PHACTR4: variants seen among roughly 807,000 people sequenced by gnomAD.
The protein encoded by PHACTR4 is phosphatase and actin regulator 4, also known as protein phosphatase 1, regulatory subunit 124.
PHACTR4 carries 51 observed loss-of-function variants against 72.7 expected under a neutral mutation model. That is an observed-to-expected ratio of 0.70 (90% CI 0.56 to 0.89). The LOEUF (loss-of-function observed/expected upper bound fraction) is 0.89. Among genes scored for constraint, PHACTR4 ranks in the 40% least tolerant of loss-of-function variants. The pLI, the probability that PHACTR4 is intolerant of heterozygous loss-of-function variation, is 0.00. For missense variants in PHACTR4, 731 were observed against 861.8 expected (o/e 0.85, Z 1.90); for synonymous variants, 255 against 302.5 (o/e 0.84, Z 1.63).
chr1:28,453,904 A>T (rs1479480722), intron 2 of PHACTR4: 2 of 807,654 alleles, frequency 2.5e-6, no homozygotes, highest in Non-Finnish European at 4.1e-6. Context: ...CCTGGATGTA[A>T]TTCAGGCAGG....
chr1:28,378,443 C>T (rs1651870497), intron 1 of PHACTR4, among the ~76,000 whole-genome samples: 1 of 151,112 alleles, frequency 6.6e-6, no homozygotes. Context: ...GCGGAGGTTG[C>T]AATGAGCCAA....
At chr1:28,392,344 G>C (rs954474578) in intron 1 of PHACTR4, among the ~76,000 whole-genome samples, 2 of 151,764 alleles carry the variant, frequency 1.3e-5, no homozygotes, top group Non-Finnish European at 2.9e-5. Flanking sequence ...CTTAATAATG[G>C]CCCCAAAGTG....
At chr1:28,443,125 C>G (rs1657160154) in intron 2 of PHACTR4, among the ~76,000 whole-genome samples, 1 of 152,096 alleles carries the variant, frequency 6.6e-6, no homozygotes, top group Admixed American at 6.6e-5. Flanking sequence ...GTACTTTTTA[C>G]TCCTATGAGA....
chr1:28,496,030 C>T (rs541972210), intron 13 of PHACTR4, among the ~76,000 whole-genome samples: 3 of 145,822 alleles, frequency 2.1e-5, no homozygotes, highest in African/African-American at 7.6e-5. Context: ...GATAGTGTTA[C>T]AGAAGCCAAG....
At chr1:28,433,690 C>T (rs988624932) in intron 2 of PHACTR4, among the ~76,000 whole-genome samples, 2 of 151,488 alleles carry the variant, frequency 1.3e-5, no homozygotes, top group African/African-American at 2.4e-5. Context: ...ACTCCTGACC[C>T]CAGGTGATCC....
intron 2 of PHACTR4, among the ~76,000 whole-genome samples, chr1:28,443,277 C>T (rs1657175502): frequency 3.2e-5 from 2 of 62,646 alleles, no homozygotes; most frequent in African/African-American, 6.2e-5. Context: ...TTCTTTCTCT[C>T]TCTCTCTTCT....
chr1:28,384,740 T>C (rs1342027762), intron 1 of PHACTR4, among the ~76,000 whole-genome samples: 1 of 151,592 alleles, frequency 6.6e-6, no homozygotes, highest in Non-Finnish European at 1.5e-5. Flanking sequence ...ACTAAGAATA[T>C]AATTAGCCAT....
chr1:28,375,343 C>G (rs1019300474), intron 1 of PHACTR4, among the ~76,000 whole-genome samples: 45 of 42,394 alleles, frequency 1.1e-3, no homozygotes, highest in Non-Finnish European at 1.9e-3. Flanking sequence ...AAAAAAAAAA[C>G]AAAAGAAAAG....
rs570068532 is a variant in PHACTR4, at chr1:28,465,483, A to G, written c.272-202A>G. On this transcript the variant is annotated intron_variant, in intron 4 of 13. Transcript: ENST00000373839. ...TCACCAACTCTGGCCAGGCGCAGTG[A>G]TTCATGCCATTTATCCTAGCACTTC... Among the ~76,000 whole-genome samples, 3 of 152,226 alleles carry G rather than the reference A, an allele frequency of 2.0e-5. No homozygotes were observed. In the South Asian group the frequency reaches 6.2e-4, roughly 32 times the overall value.
intron 2 of PHACTR4, among the ~76,000 whole-genome samples, chr1:28,424,191 T>A (rs1397805483): frequency 1.3e-5 from 2 of 151,754 alleles, no homozygotes; most frequent in African/African-American, 4.8e-5. Context: ...TAATTAATTA[T>A]TTTTTTATTT....
At chr1:28,395,792 T>G (rs951511649) in intron 1 of PHACTR4, among the ~76,000 whole-genome samples, 2 of 144,332 alleles carry the variant, frequency 1.4e-5, no homozygotes, top group Non-Finnish European at 3.0e-5. Flanking sequence ...ACCTGCCAGC[T>G]ACTGTTACAA....
chr1:28,408,050 G>A (rs1183598429), intron 2 of PHACTR4, among the ~76,000 whole-genome samples: 1 of 152,252 alleles, frequency 6.6e-6, no homozygotes, highest in Non-Finnish European at 1.5e-5. Flanking sequence ...AACCCAGGAA[G>A]CAGAGGTTGC....
At chr1:28,386,218 C>T (rs890616096) in intron 1 of PHACTR4, among the ~76,000 whole-genome samples, 5 of 152,060 alleles carry the variant, frequency 3.3e-5, no homozygotes, top group East Asian at 3.9e-4. Flanking sequence ...CTCAGCCTCC[C>T]GAGTAGCTGG....
At chr1:28,431,638 A>G (rs1225817894) in intron 2 of PHACTR4, among the ~76,000 whole-genome samples, 1 of 152,194 alleles carries the variant, frequency 6.6e-6, no homozygotes, top group Non-Finnish European at 1.5e-5. Flanking sequence ...TAAGAAGACA[A>G]TTCAAACTAT....
intron 2 of PHACTR4, chr1:28,433,069 A>G: frequency 1.0e-6 from 1 of 985,278 alleles, no homozygotes. Context: ...TTCCCTAAGT[A>G]AAATAGGAAG....
At chr1:28,397,517 C>T (rs997576514) in intron 1 of PHACTR4, among the ~76,000 whole-genome samples, 4 of 151,960 alleles carry the variant, frequency 2.6e-5, no homozygotes, top group African/African-American at 9.7e-5. Context: ...TTGAATAACA[C>T]GGGTCTAGCG....
At chr1:28,445,695 C>T (rs777238119) in intron 2 of PHACTR4, among the ~76,000 whole-genome samples, 5 of 151,942 alleles carry the variant, frequency 3.3e-5, no homozygotes, top group African/African-American at 7.3e-5. Flanking sequence ...TTTTGGGGAA[C>T]GTGATTTGGA....
intron 1 of PHACTR4, among the ~76,000 whole-genome samples, chr1:28,385,910 C>T (rs10902700): frequency 0.39 from 58,636 of 151,358 alleles, 13,021 homozygotes; most frequent in African/African-American, 0.6. Context: ...CCACCACGCC[C>T]GGCTGGTTTT....
chr1:28,421,759 T>C (rs1655524725), intron 2 of PHACTR4, among the ~76,000 whole-genome samples: 1 of 152,198 alleles, frequency 6.6e-6, no homozygotes, highest in Non-Finnish European at 1.5e-5. Context: ...TTAAATAGTA[T>C]AAGACAAAAG....
Sources: gnomAD v4.1 joint callset for allele counts (sites outside exome capture counted in the v4.1 genomes callset) on GRCh38, gnomAD v4.1.1 for gene constraint, MANE v1.5 for transcripts, NCBI Gene and HGNC (gene_info 2026-07-23, HGNC 2026-07-21) for gene names.